The following IDI2 variants were observed in gnomAD, a reference collection of about 807,000 sequenced individuals.
IDI2 encodes isopentenyl-diphosphate delta-isomerase 2.
In IDI2, 18 loss-of-function variants were observed where a neutral mutation model predicts 14.8. The ratio of observed to expected loss-of-function variants is 1.22; its 90% CI spans 0.84 to 1.80. The LOEUF (loss-of-function observed/expected upper bound fraction) is 1.80. Ranked by LOEUF, IDI2 falls within the 40% of genes most tolerant of loss-of-function variation. The pLI is 0.00. For synonymous variants in IDI2, 133 were observed against 109.6 expected (o/e 1.21, Z -1.33); for missense variants, 316 against 283.2 (o/e 1.12, Z -0.83).
Position 1,019,849 on chromosome 10 carries a change from T to A in IDI2, c.367-15A>T. On this transcript the variant is annotated splice_polypyrimidine_tract_variant and intron_variant, in intron 4 of 4. Transcript: ENST00000277517. ...TCTGGAGAAATCTATTGACAGAAAT[T>A]GGTGCAGTGTTAACAACGCTAATGT... 1.3e-6 allele frequency: 2 copies of A among 1,586,452 alleles called. No individual in the cohort carries two copies. Among genetic ancestry groups the A allele is most frequent in the Non-Finnish European group, 1.7e-6 (2 of 1,155,248 alleles).
Position 1,022,723 on chromosome 10 carries a change from G to A in IDI2, c.195C>T (p.Ile65=), listed in dbSNP as rs1832132447. 3 of 1,614,142 alleles carry A rather than the reference G, an allele frequency of 1.9e-6. No homozygotes were observed. Among genetic ancestry groups the A allele is most frequent in the Non-Finnish European group, 2.5e-6 (3 of 1,179,982 alleles). ...SVVLFNTKNR[I]LIQQRSDTKV... ...TCGTGTCCGACCTCTGCTGTATCAG[G>A]ATTCGATTCTTGGTGTTAAACAAGA... The change falls in exon 3 of 5, where the codon ATC becomes ATT. Residue 65 remains isoleucine, a synonymous_variant. Coordinates refer to ENST00000277517, the MANE Select transcript of IDI2 (RefSeq NM_033261.3).
chr10:1,020,843 TC>T lies in IDI2; in HGVS notation c.289del (p.Glu97LysfsTer8), dbSNP rs775348327. On this transcript the variant is annotated frameshift_variant, in exon 4 of 5. Transcript: ENST00000277517. LOFTEE classifies it high-confidence loss of function. ...CCTCACTCCGATGGCATCCTTTTCT[TC>T]CAGTTCTGCTGGGTTGTATAATGGG... ...SHPLYNPAELEEKDAIGVRRA... is the reference protein window; with the variant it reads ...SHPLYNPAELXEKDAIGVRRA... 6.8e-6 allele frequency: 11 copies of T among 1,614,002 alleles called. No individual in the cohort carries two copies. Among genetic ancestry groups the T allele is most frequent in the Middle Eastern group, 1.6e-4 (1 of 6,062 alleles).
Position 1,024,527 on chromosome 10 carries a change from G to A in IDI2, c.142+55C>T, listed in dbSNP as rs202088207. On this transcript the variant is annotated intron_variant, in intron 2 of 4. Transcript: ENST00000277517. ...GACTCTCTTCTTAGGTTGCCGTCGGGTGGGAAAAATGGGAAAACCCTGGGA... is the reference window on the plus strand; with the variant it reads ...GACTCTCTTCTTAGGTTGCCGTCGGATGGGAAAAATGGGAAAACCCTGGGA... 1,534 of 1,596,160 alleles carry A rather than the reference G, an allele frequency of 9.6e-4. 13 individuals carry two copies. The highest frequency in any genetic ancestry group is 9.1e-3 in the South Asian group (813 of 89,728).
intron 4 of IDI2, 89 bp from the exon 5 acceptor site, chr10:1,019,923 C>T (rs1832062014): frequency 9.7e-7 from 1 of 1,026,304 alleles, no homozygotes; most frequent in African/African-American, 1.6e-5. Context: ...CATTTGTTTT[C>T]CTCAGAAAAT....
At chr10:1,025,010 C>CCACACACACACACA (rs72086728) in intron 1 of IDI2, among the ~76,000 whole-genome samples, 4,496 of 144,880 alleles carry the variant, frequency 0.031, 111 homozygotes, top group East Asian at 0.053. Flanking sequence ...CCCCGCCCCA[C>CCACACACACACACA]CACACACACA....
chr10:1,025,416 C>G (rs912970147), intron 1 of IDI2, among the ~76,000 whole-genome samples: 12 of 151,970 alleles, frequency 7.9e-5, no homozygotes, highest in African/African-American at 2.2e-4. Context: ...TGGCACATGC[C>G]TGTATTCCCA....
chr10:1,025,082 C>CTCTTTGTA (rs1226166011), intron 1 of IDI2, among the ~76,000 whole-genome samples: 1 of 151,182 alleles, frequency 6.6e-6, no homozygotes, highest in Admixed American at 6.6e-5. Flanking sequence ...GTAGGTAACA[C>CTCTTTGTA]TCTTTGTACA....
At chr10:1,023,678 G>A (rs1359958073) in intron 2 of IDI2, among the ~76,000 whole-genome samples, 2 of 152,160 alleles carry the variant, frequency 1.3e-5, no homozygotes, top group Admixed American at 6.5e-5. Flanking sequence ...AGGGCAGTGG[G>A]GAGGGATGAC....
Position 1,019,635 on chromosome 10 carries a change from C to T in IDI2, c.566G>A (p.Gly189Asp), listed in dbSNP as rs762900392. The T allele has an allele frequency of 2.5e-6, 4 of 1,613,928 alleles. No homozygotes were observed. The highest frequency in any genetic ancestry group is 1.1e-5 in the South Asian group (1 of 91,072). Residue 189 changes from glycine (G) to aspartate (D), a missense_variant, in exon 5 of 5, where the codon GGT becomes GAT. By Grantham distance (94) the Gly-to-Asp change is moderately conservative. Transcript: ENST00000277517. ...TAGCCAGGGGGTGACTTTGACTTCA[C>T]CCCTCGCCTCCCTCTCCAGCAGCTC... ...LWELLEREAR[G>D]EVKVTPWLRT...
intron 1 of IDI2, 90 bp from the exon 2 acceptor site, chr10:1,024,834 A>G (rs1714245482): frequency 8.3e-7 from 1 of 1,211,588 alleles, no homozygotes; most frequent in East Asian, 2.3e-5. Context: ...AGGATTTAGC[A>G]TACACCTTCT....
At chr10:1,021,254 C>T (rs1029027263) in intron 3 of IDI2, among the ~76,000 whole-genome samples, 8 of 152,142 alleles carry the variant, frequency 5.3e-5, no homozygotes, top group Middle Eastern at 3.4e-3. Context: ...CATGGGGTGG[C>T]GGGAGGAGGT....
At chr10:1,024,409 G>C (rs939649726) in intron 2 of IDI2, among the ~76,000 whole-genome samples, 173 bp downstream of exon 2, 2 of 152,186 alleles carry the variant, frequency 1.3e-5, no homozygotes, top group Non-Finnish European at 2.9e-5. Flanking sequence ...ACCAAGCAAA[G>C]ACGTCATCCA....
intron 2 of IDI2, 147 bp from the exon 3 acceptor site, chr10:1,022,922 C>T: frequency 1.7e-6 from 1 of 603,872 alleles, no homozygotes; most frequent in South Asian, 2.0e-5. Context: ...GATGCCCAAA[C>T]ACAACGTTTC....
At chr10:1,020,668 G>T in intron 4 of IDI2, 99 bp downstream of exon 4, 1 of 1,228,914 alleles carries the variant, frequency 8.1e-7, no homozygotes, top group Non-Finnish European at 1.1e-6. Flanking sequence ...GGTGCTTCAT[G>T]AGGTCAATGG....
At position 1,020,714 on chromosome 10, in the gene IDI2, C is replaced by G. The variant is rs543529750; in HGVS notation, c.366+53G>C. The G allele has an allele frequency of 1.4e-5, 22 of 1,535,648 alleles. No individual in the cohort carries two copies. In the African/African-American group the frequency reaches 2.6e-4, roughly 18 times the overall value. ...GCCTGGACTTTGTTCACCGTCTGCCCGCTGCCAACCTGGACTCCCGTGGAC... is the reference window on the plus strand; with the variant it reads ...GCCTGGACTTTGTTCACCGTCTGCCGGCTGCCAACCTGGACTCCCGTGGAC... On this transcript the variant is annotated intron_variant, in intron 4 of 4. Transcript: ENST00000277517.
chr10:1,020,699 T>C, intron 4 of IDI2, 68 bp downstream of exon 4: 2 of 1,368,442 alleles, frequency 1.5e-6, no homozygotes, highest in South Asian at 1.9e-5. Flanking sequence ...GCCTGGACTT[T>C]GTTCACCGTC....
chr10:1,021,134 C>T lies in IDI2; in HGVS notation c.236-237G>A, dbSNP rs1474289650. Among the ~76,000 whole-genome samples, 8 of 152,178 alleles carry T rather than the reference C, an allele frequency of 5.3e-5. No homozygotes were observed. The East Asian group carries it at 7.7e-4, about 15-fold the overall frequency. On this transcript the variant is annotated intron_variant, in intron 3 of 4. Transcript: ENST00000277517. ...GCGGGGCTGGCCCTGACCGCTCCTG[C>T]GGCCCTTCCTGCAGATGTGCACACA...
intron 1 of IDI2, among the ~76,000 whole-genome samples, chr10:1,025,010 C>CCACACA (rs72086728): frequency 0.02 from 2,928 of 145,024 alleles, 37 homozygotes; most frequent in South Asian, 0.023. Flanking sequence ...CCCCGCCCCA[C>CCACACA]CACACACACA....
Position 1,020,656 on chromosome 10 carries a change from A to G in IDI2, c.366+111T>C, listed in dbSNP as rs963692034. 51 of 1,118,976 alleles carry G rather than the reference A, an allele frequency of 4.6e-5. No individual in the cohort carries two copies. The African/African-American group carries it at 6.7e-4, about 15-fold the overall frequency. 69.3% of individuals were successfully genotyped at this position (1,118,976 alleles called of 1,614,324 possible). On this transcript the variant is annotated intron_variant, in intron 4 of 4. Coordinates refer to ENST00000277517, the MANE Select transcript of IDI2 (RefSeq NM_033261.3). ...ATCCACAGCCCCATCCTTCATCCTC[A>G]TGGTGCTTCATGAGGTCAATGGTGT...
Sources: allele counts gnomAD v4.1 joint callset (sites outside exome capture counted in the v4.1 genomes callset), GRCh38; gene constraint gnomAD v4.1.1; transcripts MANE v1.5; gene names NCBI Gene and HGNC (gene_info 2026-07-23, HGNC 2026-07-21).